Variants in BZW1 observed in about 807,000 individuals in gnomAD.
BZW1 encodes eIF5-mimic protein 2.
BZW1 carries 3 observed loss-of-function variants against 54.1 expected under a neutral mutation model. That is an observed-to-expected ratio of 0.06 (90% CI 0.03 to 0.14). BZW1 has a LOEUF of 0.14. Ranked by LOEUF, BZW1 falls within the 10% of genes least tolerant of loss-of-function variation. The pLI, the probability that BZW1 is intolerant of heterozygous loss-of-function variation, is 1.00. For missense variants in BZW1, 206 were observed against 491.7 expected, an observed-to-expected ratio of 0.42 and a Z score of 5.50; for synonymous variants, 152 against 162.7, an observed-to-expected ratio of 0.93 and a Z score of 0.50.
intron 8 of BZW1, among the ~76,000 whole-genome samples, 156 bp downstream of exon 8, chr2:200,818,549 G>A (rs1161056711): frequency 1.3e-5 from 2 of 152,184 alleles, no homozygotes; most frequent in Non-Finnish European, 2.9e-5. Context: ...TGCTTCTTCA[G>A]TGCCTGACTG....
At chr2:200,815,830 A>G (rs1164727309) in intron 4 of BZW1, 69 bp downstream of exon 4, 9 of 1,349,646 alleles carry the variant, frequency 6.7e-6, no homozygotes, top group East Asian at 2.6e-5. Context: ...GGAATATTCT[A>G]CTTTTAAGAG....
chr2:200,813,245 A>G lies in BZW1; in HGVS notation c.28A>G (p.Thr10Ala), dbSNP rs186208874. 2.9e-5 allele frequency: 47 copies of G among 1,613,746 alleles called. No homozygotes were observed. The highest frequency in any genetic ancestry group is 3.2e-5 in the Non-Finnish European group (38 of 1,179,834). ...GAATAATCAAAAGCAGCAAAAGCCA[A>G]CGCTATCAGGCCAGCGTTTTAAAAC... MNNQKQQKPTLSGQRFKTRK... is the reference protein window; with the variant it reads MNNQKQQKPALSGQRFKTRK... Residue 10 changes from threonine to alanine, a missense_variant, in exon 2 of 12, where the codon ACG (threonine) becomes GCG (alanine). This residue lies in a region of BZW1 where 8 missense variants were observed against 26.9 expected (regional missense o/e 0.30). Transcript: ENST00000409600.
Position 200,826,384 on chromosome 2 carries a change from G to GATAGATAGATAGATAT in BZW1, c.*4221_*4222insTATAGATAGATAGATA, listed in dbSNP as rs1436253114. 2.0e-5 allele frequency: 1 copy of GATAGATAGATAGATAT among 50,110 alleles called. No homozygotes were observed. 3.1% of individuals were successfully genotyped at this position (50,110 alleles called of 1,614,324 possible). ...GATGGGATGAAGATATAGATAGATA[G>GATAGATAGATAGATAT]ATAGATAGATAGATAGATAGATATT... On this transcript the variant is annotated 3_prime_UTR_variant, in exon 12 of 12. Coordinates refer to ENST00000409600, the MANE Select transcript of BZW1 (RefSeq NM_001207067.2).
chr2:200,817,089 T>G lies in BZW1; in HGVS notation c.403-17T>G. 2 of 1,612,234 alleles carry G rather than the reference T, an allele frequency of 1.2e-6. No individual in the cohort carries two copies. The highest frequency in any genetic ancestry group is 1.1e-5 in the South Asian group (1 of 90,944). ...TGCAGTTGCTGTTTTAACCCTTAAT[T>G]GTTTTACTTTTTACAGCTGCTGCTG... is the stretch of plus-strand genomic sequence containing the variant. On this transcript the variant is annotated splice_polypyrimidine_tract_variant and intron_variant, in intron 5 of 11. Coordinates refer to ENST00000409600, the MANE Select transcript of BZW1 (RefSeq NM_001207067.2).
At chr2:200,815,634 G>A (rs2038260727) in intron 3 of BZW1, 33 bp from the exon 4 acceptor site, 1 of 1,582,860 alleles carries the variant, frequency 6.3e-7, no homozygotes, top group Admixed American at 1.8e-5. Context: ...GATTTTTTTG[G>A]TTTTGTTGTA....
At chr2:200,817,270 T>C (rs751600842) in intron 6 of BZW1, 29 bp downstream of exon 6, 1 of 1,607,966 alleles carries the variant, frequency 6.2e-7, no homozygotes, top group South Asian at 1.1e-5. Flanking sequence ...TGGTCTTCAG[T>C]TGACTCAGAG....
At chr2:200,814,041 A>G (rs922725435) in intron 2 of BZW1, among the ~76,000 whole-genome samples, 2 of 152,228 alleles carry the variant, frequency 1.3e-5, no homozygotes, top group Non-Finnish European at 2.9e-5. Context: ...ATCACTAATC[A>G]TAGGCTGTCT....
At chr2:200,817,279 A>T in intron 6 of BZW1, 38 bp downstream of exon 6, 1 of 1,603,492 alleles carries the variant, frequency 6.2e-7, no homozygotes, top group Middle Eastern at 1.7e-4. Context: ...GTTGACTCAG[A>T]GTGGGGTGGA....
At chr2:200,812,256 T>C (rs1479615928) in intron 1 of BZW1, 2 of 1,231,904 alleles carry the variant, frequency 1.6e-6, no homozygotes, top group African/African-American at 1.6e-5. Flanking sequence ...GCGGGCTCCC[T>C]CTGGGCCGTG....
At chr2:200,812,761 G>A (rs1247503896) in intron 1 of BZW1, 8 of 719,714 alleles carry the variant, frequency 1.1e-5, no homozygotes, top group Non-Finnish European at 2.1e-5. Flanking sequence ...CCGTAACCAG[G>A]CTTGTCAGAA....
At chr2:200,818,467 A>G (rs1378195799) in intron 8 of BZW1, 74 bp downstream of exon 8, 7 of 1,494,858 alleles carry the variant, frequency 4.7e-6, no homozygotes, top group Non-Finnish European at 6.4e-6. Context: ...TGAGGAACTT[A>G]CTTCACCAGG....
intron 8 of BZW1, 93 bp downstream of exon 8, chr2:200,818,486 G>C: frequency 1.4e-6 from 2 of 1,391,864 alleles, no homozygotes; most frequent in Non-Finnish European, 2.0e-6. Context: ...GGATGAGATT[G>C]AGTTAATAGT....
At position 200,815,740 on chromosome 2, in the gene BZW1, G is replaced by A. The variant is rs1270368231; in HGVS notation, c.315G>A (p.Glu105=). 2 of 1,577,280 alleles carry A rather than the reference G, an allele frequency of 1.3e-6. No homozygotes were observed. Among genetic ancestry groups the A allele is most frequent in the Admixed American group, 3.7e-5 (2 of 53,386 alleles). The part of the protein sequence containing the change: ...VCVFAAQEDL[E]TMQAFAQVFN... ...TGTTTGCAGCCCAAGAAGATCTAGA[G>A]ACCATGCAAGCATTTGCTCAGGTAA... is the stretch of plus-strand genomic sequence containing the variant. The change falls in exon 4 of 12, where the codon GAG becomes GAA. Residue 105 remains glutamate (E), a synonymous_variant. Coordinates refer to ENST00000409600, the MANE Select transcript of BZW1 (RefSeq NM_001207067.2).
intron 9 of BZW1, among the ~76,000 whole-genome samples, chr2:200,819,426 A>G (rs1190614716): frequency 1.3e-5 from 2 of 152,170 alleles, no homozygotes; most frequent in Middle Eastern, 3.2e-3. Context: ...TTCAGCTTGT[A>G]ATTAGATGTT....
intron 1 of BZW1, chr2:200,812,563 G>C (rs1575045147): frequency 7.1e-7 from 1 of 1,410,854 alleles, no homozygotes; most frequent in Admixed American, 3.0e-5. Context: ...GGCGGGAAGC[G>C]GGTGATCTGT....
At chr2:200,812,137 C>G (rs994908244) in intron 1 of BZW1, 147 bp downstream of exon 1, 1 of 997,030 alleles carries the variant, frequency 1.0e-6, no homozygotes, top group African/African-American at 1.7e-5. Flanking sequence ...GGATCTAGGG[C>G]CTGAAAGGCC....
At position 200,818,787 on chromosome 2, in the gene BZW1, A is replaced by C. The variant is rs1553603243; in HGVS notation, c.852A>C (p.Lys284Asn). The change falls in exon 9 of 12, where the codon AAA becomes AAC. Residue 284 changes from lysine (K) to asparagine (N), a missense_variant. This residue lies in a region of BZW1 where 31 missense variants were observed against 29.1 expected (regional missense o/e 1.07). Transcript: ENST00000409600. ...TATATGTCAAGGAGGAGATGAAAAA[A>C]AACAACATCCCAGAGCCAGTTGTCA... ...IILYVKEEMK[K>N]NNIPEPVVIG... The C allele has an allele frequency of 6.3e-7, 1 of 1,587,076 alleles. No individual in the cohort carries two copies. Among genetic ancestry groups the C allele is most frequent in the Non-Finnish European group, 8.5e-7 (1 of 1,173,482 alleles).
In BZW1 at chr2:200,813,006, G is replaced by A. The variant is rs949500246; in HGVS notation, c.-10-202G>A. The A allele has an allele frequency of 5.8e-5, 40 of 695,012 alleles. 1 individual carries two copies. The highest frequency in any genetic ancestry group is 7.8e-5 in the Non-Finnish European group (29 of 372,670). The allele number at this position is 695,012 out of a possible 1,614,324, so 43.1% of individuals were successfully genotyped here. ...ACAGCACTAATTTGAAGGGTTTCTT[G>A]TAGAGAGAAATGCACATTTTGACGT... is the stretch of plus-strand genomic sequence containing the variant. On this transcript the variant is annotated intron_variant, in intron 1 of 11. Coordinates refer to ENST00000409600, the MANE Select transcript of BZW1 (RefSeq NM_001207067.2).
intron 9 of BZW1, 23 bp downstream of exon 9, chr2:200,818,924 A>G (rs567838118): frequency 3.1e-5 from 48 of 1,534,480 alleles, no homozygotes; most frequent in Non-Finnish European, 3.7e-5. Flanking sequence ...TGCCTTGACA[A>G]AACAAACTAT....
Sources: allele counts gnomAD v4.1 joint callset (sites outside exome capture counted in the v4.1 genomes callset), GRCh38; gene constraint gnomAD v4.1.1; regional missense constraint gnomAD v4.1.1; transcripts MANE v1.5; gene names NCBI Gene and HGNC (gene_info 2026-07-23, HGNC 2026-07-21).